The following PRKN variants were observed in gnomAD, a reference collection of about 807,000 sequenced individuals.
PRKN encodes E3 ubiquitin-protein ligase parkin.
A neutral mutation model predicts 59.5 loss-of-function variants in PRKN; 56 were observed. The observed-to-expected ratio is 0.94, with a 90% confidence interval of 0.76 to 1.18. PRKN has a LOEUF of 1.18. PRKN is among the 50% of genes most tolerant of loss of function. PRKN has a pLI of 0.00. For synonymous variants in PRKN, 250 were observed against 222.1 expected (o/e 1.13, Z -1.12); for missense variants, 657 against 596.4 (o/e 1.10, Z -1.06).
chr6:162,043,695 T>C (rs1784149293), intron 5 of PRKN, among the ~76,000 whole-genome samples: 2 of 152,144 alleles, frequency 1.3e-5, no homozygotes, highest in African/African-American at 4.8e-5. Flanking sequence ...ACCCATTTTG[T>C]CTCCCCTCTA....
chr6:161,559,165 C>A (rs1231375223), intron 8 of PRKN, among the ~76,000 whole-genome samples: 1 of 151,062 alleles, frequency 6.6e-6, no homozygotes, highest in Non-Finnish European at 1.5e-5. Flanking sequence ...GACCCAATGC[C>A]AAAAAGCATC....
At chr6:161,750,118 T>TATATATATATATATATACACAC (rs1269147499) in intron 7 of PRKN, among the ~76,000 whole-genome samples, 6 of 137,818 alleles carry the variant, frequency 4.4e-5, no homozygotes, top group African/African-American at 1.6e-4. Context: ...TATATATATA[T>TATATATATATATATATACACAC]ACACACACAC....
intron 2 of PRKN, among the ~76,000 whole-genome samples, chr6:162,355,643 C>A (rs1010768362): frequency 1.3e-5 from 2 of 151,256 alleles, no homozygotes; most frequent in Non-Finnish European, 2.9e-5. Context: ...CAAAAGTAAG[C>A]AGGAAAGTGG....
intron 4 of PRKN, among the ~76,000 whole-genome samples, chr6:162,115,730 T>C (rs1311338299): frequency 2.0e-5 from 3 of 152,154 alleles, no homozygotes; most frequent in Admixed American, 6.5e-5. Flanking sequence ...GGAGCCCATA[T>C]GGGTCAAGAT....
At chr6:162,213,794 A>G (rs1777511413) in intron 3 of PRKN, among the ~76,000 whole-genome samples, 1 of 145,686 alleles carries the variant, frequency 6.9e-6, no homozygotes, top group African/African-American at 2.5e-5. Context: ...ATATTTCCAA[A>G]AAAAAACCAT....
chr6:161,524,592 T>A (rs1482780833), intron 9 of PRKN, among the ~76,000 whole-genome samples: 1 of 152,166 alleles, frequency 6.6e-6, no homozygotes, highest in Non-Finnish European at 1.5e-5. Flanking sequence ...CAACAATAGT[T>A]AAAACCAAAA....
chr6:162,281,747 A>G (rs550667493), intron 2 of PRKN, among the ~76,000 whole-genome samples: 1 of 152,362 alleles, frequency 6.6e-6, no homozygotes, highest in South Asian at 2.1e-4. Context: ...TCTAAAGTGA[A>G]TAAGCATAAT....
At chr6:162,315,620 G>A (rs1782723327) in intron 2 of PRKN, among the ~76,000 whole-genome samples, 1 of 152,128 alleles carries the variant, frequency 6.6e-6, no homozygotes. Context: ...GTTAATACCA[G>A]ATTTACTTCT....
rs550590981 is a variant in PRKN at position 161,746,397 on chromosome 6, T to C, written c.871+39375A>G. On this transcript the variant is annotated intron_variant, in intron 7 of 11. Coordinates refer to ENST00000366898, the MANE Select transcript of PRKN (RefSeq NM_004562.3). ...CTCTTATTTTATAAGTAGGGGCTAA[T>C]TGGCTGGGTCTAAGTCCAGAATCCC... is the stretch of plus-strand genomic sequence containing the variant. Among the ~76,000 whole-genome samples, 59 of 152,032 alleles carry C rather than the reference T, an allele frequency of 3.9e-4. 2 individuals are homozygous for C. The South Asian group carries it at 0.011, about 29-fold the overall frequency.
intron 6 of PRKN, among the ~76,000 whole-genome samples, chr6:161,943,665 A>G (rs998022713): frequency 2.7e-5 from 4 of 149,678 alleles, no homozygotes; most frequent in Admixed American, 1.3e-4. Flanking sequence ...GCCTTGAGGA[A>G]TCAGGTGAGG....
intron 1 of PRKN, among the ~76,000 whole-genome samples, chr6:162,602,223 A>G (rs1409407215): frequency 6.6e-6 from 1 of 152,224 alleles, no homozygotes; most frequent in Non-Finnish European, 1.5e-5. Context: ...TAAAGGCTTT[A>G]GCCAGATGAG....
chr6:161,898,478 A>G (rs111635543), intron 6 of PRKN, among the ~76,000 whole-genome samples: 5 of 152,352 alleles, frequency 3.3e-5, no homozygotes, highest in African/African-American at 1.2e-4. Flanking sequence ...GGATATAATT[A>G]TCTTCATCGT....
intron 7 of PRKN, among the ~76,000 whole-genome samples, chr6:161,631,840 G>A (rs1783327329): frequency 6.6e-6 from 1 of 151,792 alleles, no homozygotes; most frequent in South Asian, 2.1e-4. Context: ...TTGGAAATTT[G>A]CCATAGCTAA....
intron 7 of PRKN, among the ~76,000 whole-genome samples, chr6:161,635,392 C>T (rs1373474451): frequency 2.0e-5 from 3 of 152,132 alleles, no homozygotes; most frequent in Admixed American, 6.5e-5. Flanking sequence ...TAAAATGAGC[C>T]TATTTACATG....
chr6:162,368,884 A>G (rs995523696), intron 2 of PRKN, among the ~76,000 whole-genome samples: 4 of 152,178 alleles, frequency 2.6e-5, no homozygotes, highest in African/African-American at 9.7e-5. Context: ...GCTACTTATA[A>G]TATTGGCCTA....
intron 7 of PRKN, among the ~76,000 whole-genome samples, chr6:161,713,193 C>A (rs1286949467): frequency 6.6e-6 from 1 of 152,184 alleles, no homozygotes; most frequent in African/African-American, 2.4e-5. Flanking sequence ...TGCTGATGAA[C>A]ACCAGACGAA....
At chr6:162,624,596 A>G (rs377156970) in intron 1 of PRKN, 2 of 152,354 alleles carry the variant, frequency 1.3e-5, no homozygotes, top group African/African-American at 2.4e-5. Context: ...CTGTAAAGGA[A>G]AAGGAAAAAT....
chr6:162,162,784 C>T (rs1464773152), intron 4 of PRKN, among the ~76,000 whole-genome samples: 7 of 149,610 alleles, frequency 4.7e-5, no homozygotes, highest in Non-Finnish European at 8.9e-5. Flanking sequence ...CCGAGGCAGG[C>T]GGATCACAAG....
intron 1 of PRKN, among the ~76,000 whole-genome samples, chr6:162,471,379 T>TC: frequency 6.6e-6 from 1 of 152,182 alleles, no homozygotes; most frequent in Non-Finnish European, 1.5e-5. Flanking sequence ...ATTACAGGCG[T>TC]GAGCCACTGT....
Sources: gnomAD v4.1 joint callset for allele counts (sites outside exome capture counted in the v4.1 genomes callset) on GRCh38, gnomAD v4.1.1 for gene constraint, MANE v1.5 for transcripts, NCBI Gene and HGNC (gene_info 2026-07-23, HGNC 2026-07-21) for gene names.